Variants in STAM2 observed in about 807,000 individuals in gnomAD.
STAM2 encodes the protein signal transducing adapter molecule 2.
In STAM2, 51 loss-of-function variants were observed where a neutral mutation model predicts 65.6. That is an observed-to-expected ratio of 0.78 (90% CI 0.62 to 0.98). The LOEUF is 0.98. STAM2 is among the 50% of genes least tolerant of loss of function. The pLI, the probability that STAM2 is intolerant of heterozygous loss-of-function variation, is 0.00. For missense variants in STAM2, 584 were observed against 617.8 expected (o/e 0.95, Z 0.58); for synonymous variants, 198 against 208.4 (o/e 0.95, Z 0.43).
In STAM2 at chr2:152,119,749, T is replaced by A. The variant is rs1346462682; in HGVS notation, c.*825A>T. ...CCAGAGATACATGTAGGAAAGAAAA[T>A]GTTTTTCCTCAGGGAATGGAAATGT... On this transcript the variant is annotated 3_prime_UTR_variant, in exon 14 of 14. Transcript: ENST00000263904. 2 of 152,136 alleles carry A rather than the reference T, an allele frequency of 1.3e-5. No individual in the cohort carries two copies. Among genetic ancestry groups the A allele is most frequent in the Non-Finnish European group, 1.5e-5 (1 of 68,016 alleles). 9.4% of individuals were successfully genotyped at this position (152,136 alleles called of 1,614,324 possible).
At chr2:152,134,124 C>A (rs1281185332) in intron 8 of STAM2, among the ~76,000 whole-genome samples, 1 of 151,900 alleles carries the variant, frequency 6.6e-6, no homozygotes, top group Non-Finnish European at 1.5e-5. Context: ...CTAGAATGTA[C>A]CATATTTTAA....
intron 12 of STAM2, chr2:152,124,713 T>C (rs1443254076): frequency 6.6e-6 from 1 of 152,204 alleles, no homozygotes; most frequent in Non-Finnish European, 1.5e-5. Context: ...ATACCATTCA[T>C]CTGAAAATTT....
chr2:152,122,731 T>C (rs750606181), intron 13 of STAM2, among the ~76,000 whole-genome samples: 12 of 152,036 alleles, frequency 7.9e-5, no homozygotes, highest in Non-Finnish European at 1.8e-4. Context: ...GAAAGAAAGA[T>C]TTAAATACAA....
intron 11 of STAM2, among the ~76,000 whole-genome samples, chr2:152,127,003 C>A (rs1256233760): frequency 6.6e-6 from 1 of 152,206 alleles, no homozygotes; most frequent in Non-Finnish European, 1.5e-5. Flanking sequence ...TGCAACCAAT[C>A]AGACTGATTG....
intron 1 of STAM2, 45 bp from the exon 2 acceptor site, chr2:152,150,274 A>G (rs776589609): frequency 4.0e-6 from 5 of 1,245,308 alleles, no homozygotes; most frequent in South Asian, 1.2e-5. Flanking sequence ...CACATCTCAT[A>G]TAACACTAAA....
At chr2:152,123,195 C>T (rs763691102) in intron 13 of STAM2, among the ~76,000 whole-genome samples, 1 of 151,894 alleles carries the variant, frequency 6.6e-6, no homozygotes, top group African/African-American at 2.4e-5. Context: ...TATGCTGAAA[C>T]CCCGTCTCTA....
At chr2:152,159,469 A>C (rs1560221743) in intron 1 of STAM2, among the ~76,000 whole-genome samples, 1 of 152,138 alleles carries the variant, frequency 6.6e-6, no homozygotes, top group South Asian at 2.1e-4. Context: ...TCATTAAAAA[A>C]CTAAATTCTT....
intron 13 of STAM2, among the ~76,000 whole-genome samples, chr2:152,121,903 C>A (rs1267375217): frequency 6.6e-6 from 1 of 151,950 alleles, no homozygotes; most frequent in Non-Finnish European, 1.5e-5. Context: ...ACAAAATTAG[C>A]TGGGTGTGGT....
rs539298977 is a variant in STAM2 at position 152,158,843 on chromosome 2, A to G, written c.41-8614T>C. Among the ~76,000 whole-genome samples the G allele has an allele frequency of 3.3e-5, 5 of 151,946 alleles. 1 individual carries two copies. The highest frequency in any genetic ancestry group is 9.7e-5 in the African/African-American group (4 of 41,418). ...GAACCCACCCCTGTAAGCCCTTTTT[A>G]TTGCAGCATTAATCCATTCACGAAG... On this transcript the variant is annotated intron_variant, in intron 1 of 13. Coordinates refer to ENST00000263904, the MANE Select transcript of STAM2 (RefSeq NM_005843.6).
chr2:152,120,570 G>C lies in STAM2; in HGVS notation c.*4C>G. 1 of 1,613,068 alleles carries C rather than the reference G, an allele frequency of 6.2e-7. No individual in the cohort carries two copies. The highest frequency in any genetic ancestry group is 8.5e-7 in the Non-Finnish European group (1 of 1,179,144). ...AGGCTTTCAAGAAAATGCTTGATTT[G>C]TTTCTAAAGGAGAGGCTGCTGATGG... is the stretch of plus-strand genomic sequence containing the variant. On this transcript the variant is annotated 3_prime_UTR_variant, in exon 14 of 14. Transcript: ENST00000263904.
At chr2:152,149,061 T>C (rs920178816) in intron 2 of STAM2, among the ~76,000 whole-genome samples, 2 of 152,236 alleles carry the variant, frequency 1.3e-5, no homozygotes, top group African/African-American at 2.4e-5. Context: ...GTTCAGCTAA[T>C]TGCCACATCT....
At chr2:152,172,550 C>A (rs1689914308) in intron 1 of STAM2, among the ~76,000 whole-genome samples, 1 of 152,022 alleles carries the variant, frequency 6.6e-6, no homozygotes, top group African/African-American at 2.4e-5. Context: ...GTGGTTACTT[C>A]CTGTTGGGAA....
intron 1 of STAM2, among the ~76,000 whole-genome samples, chr2:152,165,942 C>A (rs775331358): frequency 1.3e-5 from 2 of 152,180 alleles, no homozygotes; most frequent in Non-Finnish European, 2.9e-5. Context: ...GTGGCTTATG[C>A]CTGTAACTCC....
intron 1 of STAM2, among the ~76,000 whole-genome samples, chr2:152,175,165 A>G (rs1466887115): frequency 1.3e-5 from 2 of 152,212 alleles, no homozygotes; most frequent in African/African-American, 4.8e-5. Context: ...GCGGTTGTCT[A>G]GGTGTCAAGT....
At position 152,150,152 on chromosome 2, in the gene STAM2, G is replaced by A; in HGVS notation, c.118C>T (p.Pro40Ser). 1 of 1,607,446 alleles carries A rather than the reference G, an allele frequency of 6.2e-7. No homozygotes were observed. Residue 40 changes from proline to serine, a missense_variant, in exon 2 of 14, where the codon CCT (proline) becomes TCT (serine). Coordinates refer to ENST00000263904, the MANE Select transcript of STAM2 (RefSeq NM_005843.6). ...MDICDKVGSTPNGAKDCLKAI... is the reference protein window; with the variant it reads ...MDICDKVGSTSNGAKDCLKAI... ...CATGACTGGACATCTTACCCATTAG[G>A]AGTACTTCCAACTTTGTCACATATG...
intron 1 of STAM2, among the ~76,000 whole-genome samples, chr2:152,168,195 C>T (rs182851896): frequency 6.6e-6 from 1 of 151,924 alleles, no homozygotes; most frequent in Admixed American, 6.6e-5. Context: ...GAGTCTCGCT[C>T]TGTCGTCCGG....
At chr2:152,144,366 A>G (rs1187342170) in intron 6 of STAM2, among the ~76,000 whole-genome samples, 1 of 152,192 alleles carries the variant, frequency 6.6e-6, no homozygotes, top group Non-Finnish European at 1.5e-5. Flanking sequence ...TAATCTCTCC[A>G]AAGGTAGCAC....
intron 7 of STAM2, among the ~76,000 whole-genome samples, chr2:152,143,461 C>T (rs767788789): frequency 6.6e-6 from 1 of 152,152 alleles, no homozygotes; most frequent in Non-Finnish European, 1.5e-5. Flanking sequence ...TTTTGGTGCT[C>T]TGATCAAGGG....
chr2:152,143,510 A>C (rs1689286667), intron 7 of STAM2, among the ~76,000 whole-genome samples: 1 of 152,194 alleles, frequency 6.6e-6, no homozygotes, highest in African/African-American at 2.4e-5. Flanking sequence ...TTCTGCCAAT[A>C]ATTTCAGTAC....
Sources: allele counts gnomAD v4.1 joint callset (sites outside exome capture counted in the v4.1 genomes callset), GRCh38; gene constraint gnomAD v4.1.1; transcripts MANE v1.5; gene names NCBI Gene and HGNC (gene_info 2026-07-23, HGNC 2026-07-21).